Variants in SNX8 observed in about 807,000 individuals in gnomAD.
SNX8 encodes sorting nexin 8.
In SNX8, 25 loss-of-function variants were observed where a neutral mutation model predicts 51.6. The ratio of observed to expected loss-of-function variants is 0.48; its 90% CI spans 0.35 to 0.68. The LOEUF is 0.68. Ranked by LOEUF, SNX8 falls within the 30% of genes least tolerant of loss-of-function variation. The pLI is 0.00. For missense variants in SNX8, 695 were observed against 624.0 expected (o/e 1.11, Z -1.21); for synonymous variants, 324 against 277.0 (o/e 1.17, Z -1.68).
chr7:2,278,647 GACTCACACTACGGAGTCGACGCCGGACTC>G (rs1562434719), intron 1 of SNX8, among the ~76,000 whole-genome samples: 84 of 123,260 alleles, frequency 6.8e-4, no homozygotes, highest in East Asian at 2.2e-3. Flanking sequence ...GTCGAAGCCG[GACTCACACTACGGAGTCGACGCCGGACTC>G]ACTCACACTA....
intron 1 of SNX8, among the ~76,000 whole-genome samples, chr7:2,308,329 TA>T (rs893151177): frequency 1.3e-5 from 2 of 151,020 alleles, no homozygotes; most frequent in East Asian, 1.9e-4. Flanking sequence ...AATAAACTTG[TA>T]AAAAAAATAA....
chr7:2,275,138 G>A lies in SNX8; in HGVS notation c.392C>T (p.Ala131Val). 6.2e-7 allele frequency: 1 copy of A among 1,613,506 alleles called. No individual in the cohort carries two copies. The highest frequency in any genetic ancestry group is 8.5e-7 in the Non-Finnish European group (1 of 1,179,406). Residue 131 changes from alanine to valine, a missense_variant, in exon 3 of 11, where the codon GCC becomes GTC. Ala to Val is a moderately conservative substitution (Grantham distance 64). Transcript: ENST00000222990. ...LHKFPYRMVP[A>V]LPPKRMLGAD... ...TCCCAGCATTCTCTTGGGTGGCAGG[G>A]CAGGCACCATACGGTAGGGGAACTT... is the stretch of plus-strand genomic sequence containing the variant.
At chr7:2,336,689 A>G (rs1562462244) in intron 1 of SNX8, among the ~76,000 whole-genome samples, 1 of 147,624 alleles carries the variant, frequency 6.8e-6, no homozygotes, top group Non-Finnish European at 1.5e-5. Context: ...GCCTGGCTAC[A>G]GAGCGAGACT....
chr7:2,333,300 C>T (rs879521237), intron 1 of SNX8, among the ~76,000 whole-genome samples: 2 of 152,316 alleles, frequency 1.3e-5, no homozygotes, highest in East Asian at 1.9e-4. Context: ...CAGTGGCTCA[C>T]GCCTATAATC....
chr7:2,283,636 G>T (rs556005082), intron 1 of SNX8, among the ~76,000 whole-genome samples: 1 of 152,326 alleles, frequency 6.6e-6, no homozygotes, highest in African/African-American at 2.4e-5. Flanking sequence ...CCCTAGAACG[G>T]AGGGGAGATC....
chr7:2,270,362 G>T (rs1327864861), intron 4 of SNX8, among the ~76,000 whole-genome samples: 1 of 142,358 alleles, frequency 7.0e-6, no homozygotes, highest in Non-Finnish European at 1.5e-5. Context: ...CCAGCATGGT[G>T]CGTGCCTGTA....
At chr7:2,334,480 T>C (rs1778790083) in intron 1 of SNX8, among the ~76,000 whole-genome samples, 1 of 151,226 alleles carries the variant, frequency 6.6e-6, no homozygotes, top group Non-Finnish European at 1.5e-5. Flanking sequence ...GGCGGATCAC[T>C]TGAGGTCAGG....
chr7:2,337,990 G>T (rs548519256), intron 1 of SNX8, among the ~76,000 whole-genome samples: 1 of 152,226 alleles, frequency 6.6e-6, no homozygotes, highest in East Asian at 1.9e-4. Flanking sequence ...TGTATTTAAG[G>T]ATCTAGCTAA....
Position 2,254,941 on chromosome 7 carries a change from C to T in SNX8, c.*115G>A, listed in dbSNP as rs1020697624. The T allele has an allele frequency of 5.3e-6, 4 of 759,596 alleles. No homozygotes were observed. The highest frequency in any genetic ancestry group is 9.0e-6 in the Non-Finnish European group (4 of 443,170). 47.1% of individuals were successfully genotyped at this position (759,596 alleles called of 1,614,324 possible). ...GGCGTGAGCTCCTCTGCTCCAGCTG[C>T]AGCACGGGGCGTGGCGGGGAGGGGA... On this transcript the variant is annotated 3_prime_UTR_variant, in exon 11 of 11. Transcript: ENST00000222990.
At chr7:2,307,349 T>G (rs1796565438) in intron 1 of SNX8, among the ~76,000 whole-genome samples, 1 of 151,750 alleles carries the variant, frequency 6.6e-6, no homozygotes, top group Non-Finnish European at 1.5e-5. Flanking sequence ...AGGATGACAA[T>G]GGACCAGGTG....
intron 1 of SNX8, among the ~76,000 whole-genome samples, chr7:2,333,506 G>A (rs1240400851): frequency 2.6e-5 from 4 of 152,146 alleles, no homozygotes; most frequent in African/African-American, 7.2e-5. Flanking sequence ...AGGCTGTGGT[G>A]AGCCAAGATT....
chr7:2,308,665 C>CA (rs756364188), intron 1 of SNX8, among the ~76,000 whole-genome samples: 1,867 of 61,516 alleles, frequency 0.03, 39 homozygotes, highest in East Asian at 0.085. Flanking sequence ...GACTCTGTCT[C>CA]AAAAAAAAAA....
intron 1 of SNX8, among the ~76,000 whole-genome samples, chr7:2,325,853 A>T (rs1020425275): frequency 1.3e-5 from 2 of 152,112 alleles, no homozygotes; most frequent in Non-Finnish European, 2.9e-5. Flanking sequence ...TTTTAAATAA[A>T]AATAAAAAAA....
At chr7:2,311,131 C>T (rs1278859207) in intron 1 of SNX8, among the ~76,000 whole-genome samples, 1 of 152,178 alleles carries the variant, frequency 6.6e-6, no homozygotes, top group Non-Finnish European at 1.5e-5. Flanking sequence ...TAGAATGAGA[C>T]TCTTAATGTG....
At chr7:2,276,719 A>G (rs1326456789) in intron 2 of SNX8, among the ~76,000 whole-genome samples, 1 of 151,666 alleles carries the variant, frequency 6.6e-6, no homozygotes, top group Non-Finnish European at 1.5e-5. Flanking sequence ...CCAAGGCAGG[A>G]GGACCACTTG....
In SNX8 at chr7:2,256,877, C is replaced by G; in HGVS notation, c.1281G>C (p.Lys427Asn). Residue 427 changes from lysine (K) to asparagine (N), a missense_variant, in exon 10 of 11, where the codon AAG becomes AAC. Physicochemically the swap from Lys to Asn is moderately conservative, Grantham distance 94. Coordinates refer to ENST00000222990, the MANE Select transcript of SNX8 (RefSeq NM_013321.4). The stretch of plus-strand genomic sequence containing the variant: ...GGCCGGAGCAGGGCGGACTCACCTC[C>G]TTGTGCCCTTGGATCTGAGAGTTGA... ...AFVNSQIQGH[K>N]EMSKVWNDLR... The G allele has an allele frequency of 1.2e-6, 2 of 1,611,758 alleles. No homozygotes were observed. The highest frequency in any genetic ancestry group is 1.7e-6 in the Non-Finnish European group (2 of 1,178,852).
intron 1 of SNX8, chr7:2,337,324 G>C (rs1434491926): frequency 1.3e-5 from 2 of 152,086 alleles, no homozygotes; most frequent in Admixed American, 6.6e-5. Flanking sequence ...GCACGCACCT[G>C]TGGTCCTAGC....
In SNX8 at chr7:2,312,755, T is replaced by TC. The variant is rs10672731; in HGVS notation, c.94+1572dup. Among the ~76,000 whole-genome samples, 276 of 149,982 alleles carry TC rather than the reference T, an allele frequency of 1.8e-3. 2 individuals carry two copies. In the South Asian group the frequency reaches 0.02, roughly 11 times the overall value. ...CCCACAAGGGGATTCCCCAATCTTG[T>TC]CCCCCCCCACCAAGAAGAAACCGTA... On this transcript the variant is annotated intron_variant, in intron 1 of 10. Transcript: ENST00000222990.
chr7:2,273,918 A>G (rs1175257113), intron 3 of SNX8, among the ~76,000 whole-genome samples: 1 of 151,762 alleles, frequency 6.6e-6, no homozygotes, highest in African/African-American at 2.4e-5. Context: ...AAAAAAAAAA[A>G]CACCATAAAA....
Sources: gnomAD v4.1 joint callset for allele counts (sites outside exome capture counted in the v4.1 genomes callset) on GRCh38, gnomAD v4.1.1 for gene constraint, MANE v1.5 for transcripts, NCBI Gene and HGNC (gene_info 2026-07-23, HGNC 2026-07-21) for gene names.